Variants in CELSR1 observed in about 807,000 individuals in gnomAD.
CELSR1 encodes the protein cadherin EGF LAG seven-pass G-type receptor 1, also known as adhesion G protein-coupled receptor C1.
CELSR1 carries 110 observed loss-of-function variants against 249.1 expected under a neutral mutation model. The observed-to-expected ratio is 0.44, with a 90% CI of 0.38 to 0.52. The LOEUF is 0.52. CELSR1 is among the 20% of genes least tolerant of loss of function. The pLI is 0.00. For synonymous variants in CELSR1, 2,113 were observed against 1,900.0 expected (o/e 1.11, Z -2.92); for missense variants, 4,109 against 4,296.4 (o/e 0.96, Z 1.22).
At chr22:46,474,730 C>T (rs929772067) in intron 1 of CELSR1, among the ~76,000 whole-genome samples, 5 of 72,648 alleles carry the variant, frequency 6.9e-5, no homozygotes, top group Non-Finnish European at 1.5e-4. Context: ...TCCCCAACCC[C>T]CTCTTCCTCC....
At chr22:46,389,017 C>T (rs550712662) in intron 18 of CELSR1, among the ~76,000 whole-genome samples, 2 of 152,358 alleles carry the variant, frequency 1.3e-5, no homozygotes, top group South Asian at 4.1e-4. Context: ...CTTAGAATCC[C>T]TTAGAAGCCA....
Position 46,535,397 on chromosome 22 carries a change from C to T in CELSR1, c.1774G>A (p.Ala592Thr), listed in dbSNP as rs757265913. Residue 592 changes from alanine to threonine, a missense_variant, in exon 1 of 35, where the codon GCG becomes ACG. Transcript: ENST00000674500. Reference protein sequence around the residue: ...YPVVHIQAVDADSGENARLHY... With the variant: ...YPVVHIQAVDTDSGENARLHY... ...AGCCGGGCGTTCTCTCCAGAGTCCGCGTCCACCGCCTGAATGTGCACCACG... is the reference window on the plus strand; with the variant it reads ...AGCCGGGCGTTCTCTCCAGAGTCCGTGTCCACCGCCTGAATGTGCACCACG... The T allele has an allele frequency of 3.7e-6, 6 of 1,609,646 alleles. No individual in the cohort carries two copies. The highest frequency in any genetic ancestry group is 5.1e-6 in the Non-Finnish European group (6 of 1,178,464).
intron 1 of CELSR1, among the ~76,000 whole-genome samples, chr22:46,486,994 A>C (rs896823702): frequency 6.6e-6 from 1 of 151,700 alleles, no homozygotes; most frequent in Non-Finnish European, 1.5e-5. Flanking sequence ...CTGAGCACCT[A>C]CTGTGTGTCT....
At chr22:46,375,533 C>T (rs900819510) in intron 24 of CELSR1, among the ~76,000 whole-genome samples, 1 of 150,642 alleles carries the variant, frequency 6.6e-6, no homozygotes, top group African/African-American at 2.5e-5. Context: ...CACCTGCTGC[C>T]AGGCTCTTTT....
rs2079665294 is a variant in CELSR1 at position 46,436,642 on chromosome 22, C to T, written c.4407-353G>A. Reference sequence around the variant, plus strand: ...GCTGTACATTTTCTGCTGCTGTGAACAGATCCCCCCGTGTGTGCGCCAGGG... The same window carrying T: ...GCTGTACATTTTCTGCTGCTGTGAATAGATCCCCCCGTGTGTGCGCCAGGG... On this transcript the variant is annotated intron_variant, in intron 3 of 34. Transcript: ENST00000674500. This position sits in a 1 kb window ranked among gnomAD's most constrained non-coding sequence, Gnocchi z 5.9. Among the ~76,000 whole-genome samples the T allele has an allele frequency of 6.6e-6, 1 of 152,160 alleles. No individual in the cohort carries two copies. Among genetic ancestry groups the T allele is most frequent in the African/African-American group, 2.4e-5 (1 of 41,438 alleles).
intron 1 of CELSR1, among the ~76,000 whole-genome samples, chr22:46,520,315 A>G (rs1209611268): frequency 6.6e-6 from 1 of 152,108 alleles, no homozygotes. Context: ...TCAGTGCTCA[A>G]GCTCTCAGGG....
In CELSR1 at chr22:46,472,120, G is replaced by A. The variant is rs899210643; in HGVS notation, c.3545-7775C>T. Among the ~76,000 whole-genome samples the A allele has an allele frequency of 1.3e-5, 2 of 152,148 alleles. No homozygotes were observed. Among genetic ancestry groups the A allele is most frequent in the African/African-American group, 4.8e-5 (2 of 41,432 alleles). ...GCCATCCCCTGCTTTCCCGGGAAGG[G>A]TGAGTCACCTCATTGTGGCTGAGAC... is the stretch of plus-strand genomic sequence containing the variant. On this transcript the variant is annotated intron_variant, in intron 1 of 34. Coordinates refer to ENST00000674500, the MANE Select transcript of CELSR1 (RefSeq NM_001378328.1). The surrounding 1 kb of genome is among the most constrained non-coding windows in gnomAD (Gnocchi z 7.0).
In CELSR1 at chr22:46,391,609, A is replaced by G; in HGVS notation, c.6148+24T>C. ...AGCCTGTCCCCGCGCTGTAACCTGC[A>G]GGGTGTCGAGGGGCAACGCGGACCT... is the stretch of plus-strand genomic sequence containing the variant. On this transcript the variant is annotated intron_variant, in intron 15 of 34. Transcript: ENST00000674500. The surrounding 1 kb of genome is among the most constrained non-coding windows in gnomAD (Gnocchi z 4.3). 6.4e-7 allele frequency: 1 copy of G among 1,567,266 alleles called. No individual in the cohort carries two copies. Among genetic ancestry groups the G allele is most frequent in the Non-Finnish European group, 8.6e-7 (1 of 1,163,082 alleles).
intron 25 of CELSR1, among the ~76,000 whole-genome samples, chr22:46,370,979 C>A (rs577407656): frequency 6.6e-6 from 1 of 152,228 alleles, no homozygotes; most frequent in South Asian, 2.1e-4. Context: ...AGACCTGCTC[C>A]GCCTGGACAT....
intron 26 of CELSR1, 72 bp from the exon 27 acceptor site, chr22:46,369,330 AG>A: frequency 7.4e-7 from 1 of 1,349,006 alleles, no homozygotes; most frequent in Non-Finnish European, 1.0e-6. Context: ...AAAGCGCCTG[AG>A]GCCCTTCGCC....
chr22:46,536,093 C>G lies in CELSR1; in HGVS notation c.1078G>C (p.Glu360Gln). Residue 360 changes from glutamate to glutamine, a missense_variant, in exon 1 of 35, where the codon GAG becomes CAG. Around this residue, in one of 7 missense-constraint regions of CELSR1, gnomAD observed 673 missense variants for 636.8 expected, o/e 1.06. Coordinates refer to ENST00000674500, the MANE Select transcript of CELSR1 (RefSeq NM_001378328.1). ...ACCTCCAGGTTCTCCCGCACGCGCT[C>G]GCGGTACTCCGACTGCTCGAAGACC... is the stretch of plus-strand genomic sequence containing the variant. Reference protein sequence around the residue: ...SPVFEQSEYRERVRENLEVGY... With the variant: ...SPVFEQSEYRQRVRENLEVGY... 6.2e-7 allele frequency: 1 copy of G among 1,612,042 alleles called. No homozygotes were observed. Among genetic ancestry groups the G allele is most frequent in the South Asian group, 1.1e-5 (1 of 91,086 alleles).
At chr22:46,483,171 C>A (rs9616015) in intron 1 of CELSR1, among the ~76,000 whole-genome samples, 4 of 152,068 alleles carry the variant, frequency 2.6e-5, no homozygotes, top group Non-Finnish European at 5.9e-5. Context: ...GTAAGCAATT[C>A]TTAAACATGA....
At position 46,500,659 on chromosome 22, in the gene CELSR1, G is replaced by A. The variant is rs1204857092; in HGVS notation, c.3544+32968C>T. ...GGAGTTTACAACAATGACTCTGCAG[G>A]CCTTTTGTCAGATGCCATTTTTCTT... On this transcript the variant is annotated intron_variant, in intron 1 of 34. Transcript: ENST00000674500. The surrounding 1 kb of genome is among the most constrained non-coding windows in gnomAD (Gnocchi z 4.9). Among the ~76,000 whole-genome samples the A allele has an allele frequency of 6.6e-6, 1 of 152,186 alleles. No homozygotes were observed. Among genetic ancestry groups the A allele is most frequent in the Non-Finnish European group, 1.5e-5 (1 of 68,024 alleles).
chr22:46,373,950 C>T (rs1374832974), intron 24 of CELSR1, among the ~76,000 whole-genome samples: 2 of 152,202 alleles, frequency 1.3e-5, no homozygotes, highest in African/African-American at 2.4e-5. Flanking sequence ...CACTGGGTCA[C>T]GGCACCCTAA....
intron 1 of CELSR1, among the ~76,000 whole-genome samples, chr22:46,467,601 T>A (rs1278524309): frequency 2.6e-5 from 4 of 151,836 alleles, no homozygotes. Flanking sequence ...GGCGGGCAGA[T>A]CACAAGTTCA....
chr22:46,366,499 C>G lies in CELSR1; in HGVS notation c.8206-19G>C. ...GGGAGCGCTGAAGGGAGGGGAGGGG[C>G]TGGTCACTGCCAAGTGGTGGCCACC... On this transcript the variant is annotated intron_variant, in intron 29 of 34. Transcript: ENST00000674500. 1.9e-6 allele frequency: 3 copies of G among 1,540,008 alleles called. No homozygotes were observed. Among genetic ancestry groups the G allele is most frequent in the Non-Finnish European group, 2.6e-6 (3 of 1,137,578 alleles).
In CELSR1 at chr22:46,406,587, T is replaced by C. The variant is rs942607546; in HGVS notation, c.5226+2409A>G. 1.3e-5 allele frequency among the ~76,000 whole-genome samples: 2 copies of C among 152,228 alleles called. No individual in the cohort carries two copies. Among genetic ancestry groups the C allele is most frequent in the Non-Finnish European group, 2.9e-5 (2 of 68,040 alleles). On this transcript the variant is annotated intron_variant, in intron 9 of 34. Coordinates refer to ENST00000674500, the MANE Select transcript of CELSR1 (RefSeq NM_001378328.1). This position sits in a 1 kb window ranked among gnomAD's most constrained non-coding sequence, Gnocchi z 5.4. ...AGGCACTCATGATGGGGAGGGCATG[T>C]GCTGGGCAGTCCCTCTGTCCACCCG... is the stretch of plus-strand genomic sequence containing the variant.
At position 46,527,028 on chromosome 22, in the gene CELSR1, G is replaced by A. The variant is rs543468207; in HGVS notation, c.3544+6599C>T. 8.5e-5 allele frequency among the ~76,000 whole-genome samples: 13 copies of A among 152,278 alleles called. No homozygotes were observed. The highest frequency in any genetic ancestry group is 2.9e-4 in the African/African-American group (12 of 41,550). ...GGCACAGACAGGGAACATGCCTTAG[G>A]AGCTGCCCGGTCCAGGTTCAAATCC... On this transcript the variant is annotated intron_variant, in intron 1 of 34. Transcript: ENST00000674500. This position sits in a 1 kb window ranked among gnomAD's most constrained non-coding sequence, Gnocchi z 5.5.
At chr22:46,384,973 G>A (rs985762653) in intron 19 of CELSR1, among the ~76,000 whole-genome samples, 11 of 151,528 alleles carry the variant, frequency 7.3e-5, no homozygotes, top group African/African-American at 2.7e-4. Flanking sequence ...TGTATTTTTG[G>A]TAGAGATGGG....
Sources: gnomAD v4.1 joint callset for allele counts (sites outside exome capture counted in the v4.1 genomes callset) on GRCh38, gnomAD v4.1.1 for gene constraint, gnomAD v4.1.1 regional missense constraint, Gnocchi (gnomAD v3.1) non-coding constraint, MANE v1.5 for transcripts, NCBI Gene and HGNC (gene_info 2026-07-23, HGNC 2026-07-21) for gene names.